CCDC61: variants seen among roughly 807,000 people sequenced by gnomAD.
CCDC61 encodes centrosomal protein CCDC61.
CCDC61 carries 55 observed loss-of-function variants against 63.0 expected under a neutral mutation model. The ratio of observed to expected loss-of-function variants is 0.87; its 90% CI spans 0.70 to 1.09. The LOEUF (loss-of-function observed/expected upper bound fraction) is 1.09. Ranked by LOEUF, CCDC61 falls within the 50% of genes least tolerant of loss-of-function variation. The pLI, the probability that CCDC61 is intolerant of heterozygous loss-of-function variation, is 0.00. For missense variants in CCDC61, 651 were observed against 731.4 expected (o/e 0.89, Z 1.27); for synonymous variants, 270 against 317.0 (o/e 0.85, Z 1.58).
chr19:46,002,293 G>A lies in CCDC61; in HGVS notation c.-11-715G>A, dbSNP rs543096250. On this transcript the variant is annotated intron_variant, in intron 1 of 13. Transcript: ENST00000595358. Reference sequence around the variant, plus strand: ...TGGCTCATCCTACTCCAATACCCCCGTCCCTCTTTCCAGCTTGACTTTTCT... The same window carrying A: ...TGGCTCATCCTACTCCAATACCCCCATCCCTCTTTCCAGCTTGACTTTTCT... 6.6e-5 allele frequency among the ~76,000 whole-genome samples: 10 copies of A among 151,842 alleles called. No homozygotes were observed. In the South Asian group the frequency reaches 1.7e-3, roughly 25 times the overall value.
At position 46,017,261 on chromosome 19, in the gene CCDC61, G is replaced by A; in HGVS notation, c.1325G>A (p.Arg442His). 1 of 1,565,642 alleles carries A rather than the reference G, an allele frequency of 6.4e-7. No homozygotes were observed. Among genetic ancestry groups the A allele is most frequent in the Non-Finnish European group, 8.7e-7 (1 of 1,154,686 alleles). Reference protein sequence around the residue: ...ESLSRGGHRRRGKPPSPTPWS... With the variant: ...ESLSRGGHRRHGKPPSPTPWS... ...CTTTTTCTCAGGGGTCACCGCCGCCGTGGGAAGCCTCCCAGCCCAACGCCC... is the reference window on the plus strand; with the variant it reads ...CTTTTTCTCAGGGGTCACCGCCGCCATGGGAAGCCTCCCAGCCCAACGCCC... Residue 442 changes from arginine (R) to histidine (H), a missense_variant, in exon 12 of 14, where the codon CGT (arginine) becomes CAT (histidine). By Grantham distance (29) the Arg-to-His change is conservative (BLOSUM62 0). Coordinates refer to ENST00000595358, the MANE Select transcript of CCDC61 (RefSeq NM_001267723.2).
At chr19:46,006,770 A>G in intron 4 of CCDC61, 54 bp downstream of exon 4, 1 of 1,530,126 alleles carries the variant, frequency 6.5e-7, no homozygotes, top group Non-Finnish European at 8.9e-7. Flanking sequence ...GTGGGAGAGG[A>G]TGTGGGTAGG....
intron 1 of CCDC61, among the ~76,000 whole-genome samples, chr19:46,000,989 T>C (rs570161441): frequency 1.4e-3 from 202 of 146,468 alleles, no homozygotes; most frequent in African/African-American, 5.0e-3. Flanking sequence ...GGACCACGAG[T>C]GGGGGCGGTG....
intron 1 of CCDC61, among the ~76,000 whole-genome samples, chr19:45,998,862 G>C (rs1401473663): frequency 6.6e-6 from 1 of 152,160 alleles, no homozygotes; most frequent in Non-Finnish European, 1.5e-5. Context: ...ACACACCAAG[G>C]AGAAAGGCAG....
intron 3 of CCDC61, among the ~76,000 whole-genome samples, chr19:46,004,626 G>C (rs564985009): frequency 6.6e-6 from 1 of 151,812 alleles, no homozygotes; most frequent in Non-Finnish European, 1.5e-5. Flanking sequence ...CGCCACACCC[G>C]GCTAATTTTT....
At chr19:46,005,301 C>T (rs1247144988) in intron 3 of CCDC61, among the ~76,000 whole-genome samples, 5 of 152,100 alleles carry the variant, frequency 3.3e-5, no homozygotes, top group Non-Finnish European at 1.5e-5. Context: ...TGAGCCACCG[C>T]GCCTGGCCTG....
chr19:46,006,624 G>C lies in CCDC61; in HGVS notation c.297G>C (p.Lys99Asn), dbSNP rs749430823. 29 of 1,613,738 alleles carry C rather than the reference G, an allele frequency of 1.8e-5. No homozygotes were observed. Among genetic ancestry groups the C allele is most frequent in the Non-Finnish European group, 2.5e-5 (29 of 1,179,812 alleles). Residue 99 changes from lysine to asparagine, a missense_variant, in exon 4 of 14, where the codon AAG becomes AAC. Physicochemically the swap from Lys to Asn is moderately conservative, Grantham distance 94. Coordinates refer to ENST00000595358, the MANE Select transcript of CCDC61 (RefSeq NM_001267723.2). ...ACCTGGAGTCCCTGCGGAACCGCAA[G>C]ATGGGGGGCCGCCCAGGCTCCTTGG... Reference protein sequence around the residue: ...YTDLESLRNRKMGGRPGSLAP... With the variant: ...YTDLESLRNRNMGGRPGSLAP...
At chr19:46,012,663 GA>G (rs150718102) in intron 5 of CCDC61, among the ~76,000 whole-genome samples, 42,865 of 150,258 alleles carry the variant, frequency 0.29, 6,369 homozygotes, top group African/African-American at 0.34. Flanking sequence ...AAAAAAAGGA[GA>G]AAAAAATCAA....
At position 46,016,013 on chromosome 19, in the gene CCDC61, CG is replaced by C. The variant is rs1009712903; in HGVS notation, c.846-37del. On this transcript the variant is annotated intron_variant, in intron 7 of 13. Coordinates refer to ENST00000595358, the MANE Select transcript of CCDC61 (RefSeq NM_001267723.2). The surrounding 1 kb of genome is among the most constrained non-coding windows in gnomAD (Gnocchi z 7.2). ...GGAGGAGTCTCGCGATTGAGTTTGT[CG>C]GGGCGGGCGGGAAGCTGACAGCTGC... The C allele has an allele frequency of 3.1e-5, 38 of 1,230,030 alleles. No homozygotes were observed. The highest frequency in any genetic ancestry group is 3.6e-5 in the Non-Finnish European group (36 of 988,126). The allele number at this position is 1,230,030 out of a possible 1,614,324, so 76.2% of individuals were successfully genotyped here.
chr19:46,008,394 G>A (rs1394012726), intron 5 of CCDC61, 93 bp downstream of exon 5: 19 of 1,043,696 alleles, frequency 1.8e-5, no homozygotes, highest in African/African-American at 3.2e-5. Context: ...GAGGATGACT[G>A]TCCTTCGCCC....
At position 46,006,645 on chromosome 19, in the gene CCDC61, C is replaced by A. The variant is rs1436801508; in HGVS notation, c.318C>A (p.Ser106=). 2 of 1,613,862 alleles carry A rather than the reference C, an allele frequency of 1.2e-6. No individual in the cohort carries two copies. The highest frequency in any genetic ancestry group is 1.7e-6 in the Non-Finnish European group (2 of 1,179,806). The part of the protein sequence containing the change: ...RNRKMGGRPG[S]LAPRSAQLNS... Reference sequence around the variant, plus strand: ...GCAAGATGGGGGGCCGCCCAGGCTCCTTGGCCCCCAGGTCGGCCCAGCTCA... The same window carrying A: ...GCAAGATGGGGGGCCGCCCAGGCTCATTGGCCCCCAGGTCGGCCCAGCTCA... Residue 106 remains serine, a synonymous_variant, in exon 4 of 14, where the codon TCC becomes TCA. Transcript: ENST00000595358.
At chr19:45,996,386 A>G (rs2146446887) in intron 1 of CCDC61, 1 of 151,012 alleles carries the variant, frequency 6.6e-6, no homozygotes, top group East Asian at 1.9e-4. Context: ...AGTTGATGGG[A>G]CATTCATCCT....
rs1443827355 is a variant in CCDC61 at position 46,009,585 on chromosome 19, C to T, written c.551+1284C>T. ...AGGCTGGACCTTAGATCCAGGCAGC[C>T]AGCGCCGAGCCTCTGTTGTTTCCCC... On this transcript the variant is annotated intron_variant, in intron 5 of 13. Coordinates refer to ENST00000595358, the MANE Select transcript of CCDC61 (RefSeq NM_001267723.2). 4.3e-4 allele frequency among the ~76,000 whole-genome samples: 66 copies of T among 152,182 alleles called. 1 individual carries two copies. Among genetic ancestry groups the T allele is most frequent in the Non-Finnish European group, 1.5e-5 (1 of 68,030 alleles).
intron 5 of CCDC61, among the ~76,000 whole-genome samples, chr19:46,010,165 A>C (rs1157164626): frequency 1.3e-5 from 2 of 152,210 alleles, no homozygotes; most frequent in Non-Finnish European, 2.9e-5. Context: ...TTACAGCCTA[A>C]CAGGCGGGCA....
intron 3 of CCDC61, 100 bp from the exon 4 acceptor site, chr19:46,006,459 G>A (rs904569990): frequency 2.5e-5 from 30 of 1,211,024 alleles, no homozygotes; most frequent in East Asian, 1.9e-4. Flanking sequence ...AGCCTAGCCC[G>A]CCTAGAGAAC....
chr19:46,016,098 G>A lies in CCDC61; in HGVS notation c.890G>A (p.Arg297Gln). Residue 297 changes from arginine (R) to glutamine (Q), a missense_variant, in exon 8 of 14, where the codon CGG becomes CAG. Transcript: ENST00000595358. This position sits in a 1 kb window ranked among gnomAD's most constrained non-coding sequence, Gnocchi z 7.2. ...PVQPPPTRED[R>Q]ASSSRERSAS... ...CAGCCGCCCCCGACGCGGGAGGACC[G>A]GGCCTCATCGTCCCGGGAGCGCTCC... The A allele has an allele frequency of 5.7e-6, 7 of 1,237,280 alleles. No homozygotes were observed. Among genetic ancestry groups the A allele is most frequent in the Non-Finnish European group, 7.1e-6 (7 of 992,082 alleles). The allele number at this position is 1,237,280 out of a possible 1,614,324, so 76.6% of individuals were successfully genotyped here.
At position 46,003,078 on chromosome 19, in the gene CCDC61, G is replaced by A. The variant is rs774249888; in HGVS notation, c.60G>A (p.Val20=). 5 of 1,609,006 alleles carry A rather than the reference G, an allele frequency of 3.1e-6. No individual in the cohort carries two copies. The African/African-American group carries it at 6.7e-5, about 21-fold the overall frequency. ...DYVFRGVEHA[V]RVMVSGQVLE... ...TCTTCCGGGGTGTGGAGCATGCCGT[G>A]CGGGTGATGGTTTCTGGGCAGGTGC... The change falls in exon 2 of 14, where the codon GTG becomes GTA. Residue 20 remains valine (V), a synonymous_variant. Coordinates refer to ENST00000595358, the MANE Select transcript of CCDC61 (RefSeq NM_001267723.2).
At chr19:46,001,388 A>G (rs911355136) in intron 1 of CCDC61, among the ~76,000 whole-genome samples, 1 of 151,878 alleles carries the variant, frequency 6.6e-6, no homozygotes, top group African/African-American at 2.4e-5. Flanking sequence ...CACCACGCCC[A>G]GCTAATTTTT....
At chr19:46,012,128 T>G (rs910944960) in intron 5 of CCDC61, among the ~76,000 whole-genome samples, 3 of 152,136 alleles carry the variant, frequency 2.0e-5, no homozygotes, top group Non-Finnish European at 2.9e-5. Flanking sequence ...TTTTAAAAAT[T>G]TTGTGAGCAG....
Sources: gnomAD v4.1 joint callset for allele counts (sites outside exome capture counted in the v4.1 genomes callset) on GRCh38, gnomAD v4.1.1 for gene constraint, Gnocchi (gnomAD v3.1) non-coding constraint, MANE v1.5 for transcripts, NCBI Gene and HGNC (gene_info 2026-07-23, HGNC 2026-07-21) for gene names.